The following PDE2A variants were observed in gnomAD, a reference collection of about 807,000 sequenced individuals.
PDE2A encodes the protein phosphodiesterase 2A, also known as cGMP-dependent 3',5'-cyclic phosphodiesterase.
In PDE2A, 53 loss-of-function variants were observed where a neutral mutation model predicts 133.6. The ratio of observed to expected loss-of-function variants is 0.40; its 90% CI spans 0.32 to 0.50. PDE2A has a LOEUF of 0.50. PDE2A is among the 20% of genes least tolerant of loss of function. The pLI is 0.73. For missense variants in PDE2A, 796 were observed against 1,232.4 expected (o/e 0.65, Z 5.30); for synonymous variants, 491 against 490.2 (o/e 1.00, Z -0.02).
Position 72,631,212 on chromosome 11 carries a change from T to C in PDE2A, c.144+11042A>G, listed in dbSNP as rs1858366038. The C allele has an allele frequency of 1.3e-5, 16 of 1,265,148 alleles. No homozygotes were observed. In the East Asian group the frequency reaches 4.4e-4, roughly 35 times the overall value. The allele number at this position is 1,265,148 out of a possible 1,614,324, so 78.4% of individuals were successfully genotyped here. On this transcript the variant is annotated intron_variant, in intron 2 of 30. Transcript: ENST00000334456. ...CCTTCTCCCCAGACTGTCCTCCCAT[T>C]AGCCCCCAGCAAGCCCACGGATGGC...
chr11:72,644,606 G>A (rs2078644214), intron 1 of PDE2A, among the ~76,000 whole-genome samples: 1 of 152,330 alleles, frequency 6.6e-6, no homozygotes, highest in East Asian at 1.9e-4. Flanking sequence ...TTGTTCTTCA[G>A]GGGAGGCCAC....
chr11:72,585,001 A>G, intron 16 of PDE2A, 57 bp from the exon 17 acceptor site: 1 of 1,535,806 alleles, frequency 6.5e-7, no homozygotes, highest in South Asian at 1.1e-5. Flanking sequence ...GATCGCCCTC[A>G]CGTCCCATAA....
At chr11:72,619,994 A>T (rs148967015) in intron 2 of PDE2A, among the ~76,000 whole-genome samples, 100 of 152,000 alleles carry the variant, frequency 6.6e-4, no homozygotes, top group African/African-American at 2.3e-3. Context: ...GAAAGGAGGG[A>T]CCCCAATTCT....
At chr11:72,579,779 C>T in intron 25 of PDE2A, 171 bp from the exon 26 acceptor site, 1 of 599,992 alleles carries the variant, frequency 1.7e-6, no homozygotes, top group South Asian at 2.0e-5. Flanking sequence ...TTTCAACCCT[C>T]TGTGTGACCC....
Position 72,590,731 on chromosome 11 carries a change from C to G in PDE2A, c.550-151G>C. On this transcript the variant is annotated intron_variant, in intron 7 of 30. Coordinates refer to ENST00000334456, the MANE Select transcript of PDE2A (RefSeq NM_002599.5). This position sits in a 1 kb window ranked among gnomAD's most constrained non-coding sequence, Gnocchi z 4.8. ...CAAACACCTCATCCCTGGACTCTAC[C>G]TTCCTGAGGGCTCCCCCGGGGGCTC... is the stretch of plus-strand genomic sequence containing the variant. 1 of 706,130 alleles carries G rather than the reference C, an allele frequency of 1.4e-6. No homozygotes were observed. Among genetic ancestry groups the G allele is most frequent in the Non-Finnish European group, 2.1e-6 (1 of 480,600 alleles). 43.7% of individuals were successfully genotyped at this position (706,130 alleles called of 1,614,324 possible).
At chr11:72,629,337 G>A (rs932937489) in intron 2 of PDE2A, among the ~76,000 whole-genome samples, 12 of 152,226 alleles carry the variant, frequency 7.9e-5, no homozygotes, top group Non-Finnish European at 1.5e-4. Context: ...TTCCCTCAGG[G>A]CACAGTCCCC....
Position 72,598,437 on chromosome 11 carries a change from TTCTC to T in PDE2A, c.324-822_324-819del, listed in dbSNP as rs957436491. 12 of 1,138,856 alleles carry T rather than the reference TTCTC, an allele frequency of 1.1e-5. No homozygotes were observed. The African/African-American group carries it at 1.7e-4, about 17-fold the overall frequency. The allele number at this position is 1,138,856 out of a possible 1,614,324, so 70.5% of individuals were successfully genotyped here. A position where few individuals can be genotyped will look rare whatever the true frequency, so the allele number is the denominator to read the frequency against. ...GGAGGTTGGTATGGGAAGAATGAGT[TTCTC>T]TCTGTCCCACCACACAACCCACCTC... is the stretch of plus-strand genomic sequence containing the variant. On this transcript the variant is annotated intron_variant, in intron 4 of 30. Coordinates refer to ENST00000334456, the MANE Select transcript of PDE2A (RefSeq NM_002599.5).
intron 2 of PDE2A, among the ~76,000 whole-genome samples, chr11:72,632,924 G>A (rs1270404879): frequency 6.6e-6 from 1 of 152,146 alleles, no homozygotes; most frequent in African/African-American, 2.4e-5. Flanking sequence ...TGGGGAAAGT[G>A]CCTAGGATGA....
chr11:72,595,979 C>T (rs974124362), intron 6 of PDE2A, among the ~76,000 whole-genome samples: 11 of 152,252 alleles, frequency 7.2e-5, no homozygotes, highest in African/African-American at 2.6e-4. Flanking sequence ...CCTTCCTCAG[C>T]CACTCCAGAA....
chr11:72,606,380 C>T (rs1431371686), intron 3 of PDE2A, among the ~76,000 whole-genome samples: 1 of 152,138 alleles, frequency 6.6e-6, no homozygotes, highest in African/African-American at 2.4e-5. Context: ...TGGAATCCTT[C>T]CCAGAAGAAG....
chr11:72,631,521 C>T (rs888272005), intron 2 of PDE2A, among the ~76,000 whole-genome samples: 1 of 152,158 alleles, frequency 6.6e-6, no homozygotes, highest in African/African-American at 2.4e-5. Context: ...CCGTAATGTC[C>T]ACCTCACACA....
At chr11:72,580,722 C>T (rs1258602824) in intron 24 of PDE2A, 98 bp from the exon 25 acceptor site, 1 of 1,110,248 alleles carries the variant, frequency 9.0e-7, no homozygotes, top group Admixed American at 2.0e-5. Flanking sequence ...CCTTTCTCCC[C>T]TCCTCCCTAT....
At chr11:72,598,470 T>C (rs1856586949) in intron 4 of PDE2A, 21 of 1,278,576 alleles carry the variant, frequency 1.6e-5, no homozygotes, top group Non-Finnish European at 2.1e-5. Flanking sequence ...CCACCTCCTC[T>C]ACCCCCCAGC....
chr11:72,608,303 C>T (rs1857057869), intron 3 of PDE2A, among the ~76,000 whole-genome samples: 1 of 152,220 alleles, frequency 6.6e-6, no homozygotes, highest in African/African-American at 2.4e-5. Context: ...CATGTCTACC[C>T]TCAACTTCTC....
chr11:72,589,004 C>A, intron 12 of PDE2A, 90 bp from the exon 13 acceptor site: 1 of 1,411,958 alleles, frequency 7.1e-7, no homozygotes, highest in South Asian at 1.3e-5. Flanking sequence ...ACAGGCAGTT[C>A]TAAGGGACTC....
rs369319916 is a variant in PDE2A, at chr11:72,596,654, G to A, written c.434-6C>T. On this transcript the variant is annotated splice_polypyrimidine_tract_variant and splice_region_variant and intron_variant, in intron 5 of 30. Transcript: ENST00000334456. ...CGCTAGCGGCATGACCAGCACTGAG[G>A]GGGAGAGGGCAATGAGGTGCTCCTG... The A allele has an allele frequency of 3.4e-6, 5 of 1,459,842 alleles. No individual in the cohort carries two copies. The highest frequency in any genetic ancestry group is 2.9e-5 in the African/African-American group (2 of 69,600). The allele number at this position is 1,459,842 out of a possible 1,614,324, so 90.4% of individuals were successfully genotyped here.
chr11:72,612,007 G>A (rs903473996), intron 2 of PDE2A, among the ~76,000 whole-genome samples: 9 of 152,246 alleles, frequency 5.9e-5, no homozygotes, highest in Non-Finnish European at 1.2e-4. Context: ...TGGGAAGCAG[G>A]GAGATTCCTG....
At chr11:72,671,151 C>T (rs182894699) in intron 1 of PDE2A, among the ~76,000 whole-genome samples, 20 of 152,288 alleles carry the variant, frequency 1.3e-4, no homozygotes, top group Admixed American at 3.9e-4. Flanking sequence ...GTGGGCCCCC[C>T]ACCTCCTACA....
intron 1 of PDE2A, among the ~76,000 whole-genome samples, chr11:72,664,700 ATTTGT>A (rs1445325869): frequency 1.3e-5 from 2 of 151,564 alleles, no homozygotes; most frequent in African/African-American, 4.8e-5. Flanking sequence ...TAAGGAGGCG[ATTTGT>A]TTAATCGCCT....
Sources: allele counts gnomAD v4.1 joint callset (sites outside exome capture counted in the v4.1 genomes callset), GRCh38; gene constraint gnomAD v4.1.1; non-coding constraint Gnocchi (gnomAD v3.1); transcripts MANE v1.5; gene names NCBI Gene and HGNC (gene_info 2026-07-23, HGNC 2026-07-21).